The following ST6GALNAC3 variants were observed in gnomAD, a reference collection of about 807,000 sequenced individuals.
The protein encoded by ST6GALNAC3 is alpha-N-acetylgalactosaminide alpha-2,6-sialyltransferase 3.
In ST6GALNAC3, 25 loss-of-function variants were observed where a neutral mutation model predicts 32.7. The observed-to-expected ratio is 0.76, with a 90% CI of 0.56 to 1.07. The LOEUF is 1.07. Among genes scored for constraint, ST6GALNAC3 ranks in the 50% least tolerant of loss-of-function variants. The probability of loss-of-function intolerance (pLI) is 0.00; values close to 1 mark genes in which losing one functional copy is unlikely to be tolerated. For missense variants in ST6GALNAC3, 355 were observed against 382.4 expected (o/e 0.93, Z 0.60); for synonymous variants, 129 against 133.1 (o/e 0.97, Z 0.21).
At chr1:76,486,017 C>T (rs1209263489) in intron 3 of ST6GALNAC3, among the ~76,000 whole-genome samples, 2 of 152,150 alleles carry the variant, frequency 1.3e-5, no homozygotes, top group African/African-American at 4.8e-5. Flanking sequence ...GTTCAGTTTC[C>T]ATGTAGTTGA....
chr1:76,611,848 A>G (rs1042421769), intron 3 of ST6GALNAC3, among the ~76,000 whole-genome samples: 1 of 152,154 alleles, frequency 6.6e-6, no homozygotes, highest in African/African-American at 2.4e-5. Context: ...TTAGAGAAAA[A>G]TCTGATTTTC....
chr1:76,392,655 G>A (rs1652655602), intron 2 of ST6GALNAC3, among the ~76,000 whole-genome samples: 1 of 152,160 alleles, frequency 6.6e-6, no homozygotes, highest in Non-Finnish European at 1.5e-5. Context: ...GAGTAAATTA[G>A]AGGTTAGACT....
At chr1:76,328,296 A>T (rs1410697861) in intron 2 of ST6GALNAC3, among the ~76,000 whole-genome samples, 1 of 152,152 alleles carries the variant, frequency 6.6e-6, no homozygotes, top group East Asian at 1.9e-4. Context: ...TGAATTGGGG[A>T]ACTTCACGAA....
intron 1 of ST6GALNAC3, among the ~76,000 whole-genome samples, chr1:76,138,376 G>C (rs1033274478): frequency 6.6e-6 from 1 of 151,980 alleles, no homozygotes; most frequent in Non-Finnish European, 1.5e-5. Flanking sequence ...CATAGGGTGG[G>C]GTTCTTCCTG....
intron 2 of ST6GALNAC3, among the ~76,000 whole-genome samples, chr1:76,333,846 T>C (rs1647268666): frequency 6.6e-6 from 1 of 152,194 alleles, no homozygotes; most frequent in African/African-American, 2.4e-5. Context: ...ATTTTACATA[T>C]ATGGACTCAT....
intron 3 of ST6GALNAC3, among the ~76,000 whole-genome samples, chr1:76,446,748 T>C (rs1444968999): frequency 6.6e-6 from 1 of 152,160 alleles, no homozygotes; most frequent in African/African-American, 2.4e-5. Flanking sequence ...AATGGGAGTT[T>C]CCCTGCCCAA....
At chr1:76,578,850 A>G (rs1646850374) in intron 3 of ST6GALNAC3, among the ~76,000 whole-genome samples, 1 of 151,996 alleles carries the variant, frequency 6.6e-6, no homozygotes, top group Non-Finnish European at 1.5e-5. Context: ...CAACAAGGCT[A>G]AAAACAATTT....
At chr1:76,242,388 CAG>C (rs1657017287) in intron 1 of ST6GALNAC3, among the ~76,000 whole-genome samples, 2 of 151,908 alleles carry the variant, frequency 1.3e-5, no homozygotes, top group African/African-American at 2.4e-5. Flanking sequence ...ACGTCTGTAA[CAG>C]AGCTGGGAGC....
intron 3 of ST6GALNAC3, among the ~76,000 whole-genome samples, chr1:76,449,424 A>G (rs996663807): frequency 2.0e-5 from 3 of 152,192 alleles, no homozygotes; most frequent in East Asian, 3.9e-4. Flanking sequence ...TTTTCAACTC[A>G]TTTGGGTAAA....
Position 76,375,682 on chromosome 1 carries a change from C to T in ST6GALNAC3, c.214-36326C>T, listed in dbSNP as rs568806728. 3.8e-4 allele frequency among the ~76,000 whole-genome samples: 58 copies of T among 152,246 alleles called. No homozygotes were observed. In the South Asian group the frequency reaches 5.4e-3, roughly 14 times the overall value. On this transcript the variant is annotated intron_variant, in intron 2 of 4. Transcript: ENST00000328299. ...CAATTTCAGTGATCACAGGCTCATC[C>T]TGGAGCATTGCTTACAGTAGGAAAT...
intron 2 of ST6GALNAC3, among the ~76,000 whole-genome samples, chr1:76,378,442 A>G (rs2101104098): frequency 6.6e-6 from 1 of 152,244 alleles, no homozygotes; most frequent in African/African-American, 2.4e-5. Flanking sequence ...TGGGCAGATC[A>G]CCTGAGGCCA....
At chr1:76,272,342 AAAATT>A (rs1658896667) in intron 1 of ST6GALNAC3, among the ~76,000 whole-genome samples, 1 of 151,846 alleles carries the variant, frequency 6.6e-6, no homozygotes, top group African/African-American at 2.4e-5. Flanking sequence ...AAAAAAAAAA[AAAATT>A]AAAACACCGT....
intron 1 of ST6GALNAC3, among the ~76,000 whole-genome samples, chr1:76,262,684 G>T (rs1400786267): frequency 4.6e-5 from 7 of 152,184 alleles, no homozygotes; most frequent in Non-Finnish European, 8.8e-5. Context: ...AAAGATGGCA[G>T]TGGAATTAGA....
At chr1:76,545,498 A>T (rs559072540) in intron 3 of ST6GALNAC3, among the ~76,000 whole-genome samples, 11 of 152,198 alleles carry the variant, frequency 7.2e-5, no homozygotes, top group African/African-American at 2.6e-4. Flanking sequence ...TGAATATGGG[A>T]GGTAATAGTA....
chr1:76,321,979 A>T (rs573380499), intron 2 of ST6GALNAC3, among the ~76,000 whole-genome samples: 74 of 152,174 alleles, frequency 4.9e-4, no homozygotes, highest in Non-Finnish European at 3.7e-4. Context: ...ATAGGTTTTA[A>T]TGTAGTGATC....
At chr1:76,567,538 A>C (rs544972330) in intron 3 of ST6GALNAC3, among the ~76,000 whole-genome samples, 1 of 152,242 alleles carries the variant, frequency 6.6e-6, no homozygotes, top group African/African-American at 2.4e-5. Flanking sequence ...ACAATAAAAC[A>C]TTGAAAAGCT....
intron 2 of ST6GALNAC3, among the ~76,000 whole-genome samples, chr1:76,347,277 C>T (rs985032002): frequency 1.3e-5 from 2 of 152,052 alleles, no homozygotes; most frequent in Admixed American, 1.3e-4. Flanking sequence ...TTTTATTGCC[C>T]TTTAGACTAT....
At chr1:76,085,310 G>A (rs902557491) in intron 1 of ST6GALNAC3, among the ~76,000 whole-genome samples, 4 of 152,182 alleles carry the variant, frequency 2.6e-5, no homozygotes, top group Non-Finnish European at 5.9e-5. Context: ...TACAGGTAAA[G>A]TTTGCCAACC....
intron 1 of ST6GALNAC3, among the ~76,000 whole-genome samples, chr1:76,085,756 A>C (rs1763465): frequency 0.62 from 94,055 of 151,960 alleles, 29,924 homozygotes; most frequent in African/African-American, 0.73. Flanking sequence ...CTTTGATTAG[A>C]CCTACCATAT....
Sources: gnomAD v4.1 joint callset for allele counts (sites outside exome capture counted in the v4.1 genomes callset) on GRCh38, gnomAD v4.1.1 for gene constraint, MANE v1.5 for transcripts, NCBI Gene and HGNC (gene_info 2026-07-23, HGNC 2026-07-21) for gene names.